The following HEATR4 variants were observed in gnomAD, a reference collection of about 807,000 sequenced individuals.
HEATR4 encodes the protein HEAT repeat-containing protein 4.
HEATR4 carries 95 observed loss-of-function variants against 108.8 expected under a neutral mutation model. That is an observed-to-expected ratio of 0.87 (90% confidence interval 0.74 to 1.04). HEATR4 has a LOEUF of 1.04. Among genes scored for constraint, HEATR4 ranks in the 50% least tolerant of loss-of-function variants. The pLI is 0.00. For synonymous variants in HEATR4, 443 were observed against 459.4 expected, an observed-to-expected ratio of 0.96 and a Z score of 0.46; for missense variants, 1,152 against 1,253.8, an observed-to-expected ratio of 0.92 and a Z score of 1.23.
the HEATR4 span, among the ~76,000 whole-genome samples, chr14:73,633,007 C>CTTTTTT: frequency 9.8e-5 from 12 of 122,058 alleles, no homozygotes; most frequent in African/African-American, 3.5e-4. Flanking sequence ...CTCTCTCTCT[C>CTTTTTT]TTTTTTTTTT....
At chr14:73,479,343 C>T (rs550819161) in intron 17 of HEATR4, among the ~76,000 whole-genome samples, 4 of 152,106 alleles carry the variant, frequency 2.6e-5, no homozygotes, top group Admixed American at 2.0e-4. Flanking sequence ...TCTCAATCTC[C>T]TGACCTTGTG....
At chr14:73,593,788 GGCTTTGCC>G in the HEATR4 span, 1 of 1,613,972 alleles carries the variant, frequency 6.2e-7, no homozygotes, top group Non-Finnish European at 8.5e-7. Context: ...TGCTGGCCAT[GGCTTTGCC>G]ACGTTGGCTC....
intron 1 of HEATR4, among the ~76,000 whole-genome samples, chr14:73,540,288 T>C (rs1232305684): frequency 1.3e-5 from 2 of 151,516 alleles, no homozygotes; most frequent in African/African-American, 4.8e-5. Context: ...TCTGGATTAA[T>C]TTAAAAAAAG....
chr14:73,617,122 C>T, the HEATR4 span: 10,275 of 1,611,826 alleles, frequency 6.4e-3, 586 homozygotes, highest in African/African-American at 0.12. Flanking sequence ...GAAGACCTCC[C>T]CGAAGATCTG....
chr14:73,572,765 C>T, the HEATR4 span, among the ~76,000 whole-genome samples: 1 of 149,468 alleles, frequency 6.7e-6, no homozygotes, highest in Non-Finnish European at 1.5e-5. Flanking sequence ...CCTCCCTCAG[C>T]CTCCCGAGTA....
the HEATR4 span, chr14:73,595,602 T>C: frequency 5.0e-5 from 78 of 1,563,182 alleles, no homozygotes; most frequent in South Asian, 3.2e-4. Flanking sequence ...ATTCTAGCCT[T>C]CTTCTGCAAA....
chr14:73,566,217 T>C, the HEATR4 span, among the ~76,000 whole-genome samples: 17 of 152,156 alleles, frequency 1.1e-4, no homozygotes, highest in South Asian at 3.5e-3. Context: ...ATCCCCTAGC[T>C]AGACATAAAG....
chr14:73,532,847 T>C (rs180902421), intron 1 of HEATR4, among the ~76,000 whole-genome samples: 3,820 of 112,646 alleles, frequency 0.034, 888 homozygotes, highest in African/African-American at 0.11. Context: ...TCCCAGCTAC[T>C]TGGAGGCTGA....
At chr14:73,588,728 A>G in the HEATR4 span, among the ~76,000 whole-genome samples, 1 of 152,126 alleles carries the variant, frequency 6.6e-6, no homozygotes, top group Non-Finnish European at 1.5e-5. Flanking sequence ...TAGCCATTGG[A>G]TCAATCAAAT....
At chr14:73,599,749 G>A in the HEATR4 span, among the ~76,000 whole-genome samples, 6 of 152,336 alleles carry the variant, frequency 3.9e-5, no homozygotes, top group Non-Finnish European at 7.3e-5. Context: ...CAAAGTTCAA[G>A]GAGAGCATAG....
chr14:73,602,783 T>A, the HEATR4 span, among the ~76,000 whole-genome samples: 1 of 152,216 alleles, frequency 6.6e-6, no homozygotes, highest in Non-Finnish European at 1.5e-5. Context: ...ATCTTTTTTT[T>A]ATTTTGACAA....
At chr14:73,594,198 T>C in the HEATR4 span, among the ~76,000 whole-genome samples, 132 of 152,362 alleles carry the variant, frequency 8.7e-4, 1 homozygote, top group Admixed American at 3.0e-3. Flanking sequence ...TTTAATTTCC[T>C]GGTGTCAGAG....
At chr14:73,572,645 T>TCC in the HEATR4 span, among the ~76,000 whole-genome samples, 1 of 51,106 alleles carries the variant, frequency 2.0e-5, no homozygotes, top group Non-Finnish European at 3.2e-5. Flanking sequence ...TTGCATTTTT[T>TCC]TTTTTTTTTT....
Position 73,514,048 on chromosome 14 carries a change from TTCCATTCCTTCAGCA to T in HEATR4, c.1382_1396del (p.Met461_Trp465del). On this transcript the variant is annotated inframe_deletion, in exon 6 of 18. Transcript: ENST00000553558. Reference sequence around the variant, plus strand: ...TCACTCACTCAGAGCCCAGGCAGTCTTCCATTCCTTCAGCATCCTCCGCAGGACCACCAGTTCCCA... The same window carrying T: ...TCACTCACTCAGAGCCCAGGCAGTCTTCCTCCGCAGGACCACCAGTTCCCA... 6.2e-7 allele frequency: 1 copy of T among 1,614,170 alleles called. No individual in the cohort carries two copies. Among genetic ancestry groups the T allele is most frequent in the Non-Finnish European group, 8.5e-7 (1 of 1,180,026 alleles).
the HEATR4 span, among the ~76,000 whole-genome samples, chr14:73,586,326 A>G: frequency 2.9e-4 from 44 of 152,090 alleles, no homozygotes; most frequent in Admixed American, 2.0e-4. Flanking sequence ...CCCCGGAGGC[A>G]GAGTTTGCCG....
chr14:73,577,463 A>G, the HEATR4 span, among the ~76,000 whole-genome samples: 12 of 138,538 alleles, frequency 8.7e-5, no homozygotes, highest in South Asian at 2.3e-3. Context: ...AGATGATGCA[A>G]TCTGGGACAG....
At position 73,532,764 on chromosome 14, in the gene HEATR4, C is replaced by G. The variant is rs189008581; in HGVS notation, c.-151-2520G>C. 1.5e-3 allele frequency among the ~76,000 whole-genome samples: 175 copies of G among 113,834 alleles called. 36 individuals carry two copies. Among genetic ancestry groups the G allele is most frequent in the South Asian group, 3.1e-3 (11 of 3,592 alleles). The allele number at this position is 113,834 out of a possible 152,430, so 74.7% of individuals were successfully genotyped here. A position where few individuals can be genotyped will look rare whatever the true frequency, so the allele number is the denominator to read the frequency against. ...GGTCAGGAGATTGAAACCATCCTAG[C>G]TAACACAGTAAAACCCCATCTCTAC... is the stretch of plus-strand genomic sequence containing the variant. On this transcript the variant is annotated intron_variant, in intron 1 of 17. Coordinates refer to ENST00000553558, the MANE Select transcript of HEATR4 (RefSeq NM_001220484.1).
intron 8 of HEATR4, among the ~76,000 whole-genome samples, chr14:73,508,755 A>C (rs1291798939): frequency 6.6e-6 from 1 of 150,726 alleles, no homozygotes; most frequent in Non-Finnish European, 1.5e-5. Context: ...CTGTCTCAAA[A>C]AAAAAAAAAA....
rs2140250751 is a variant in HEATR4 at position 73,492,630 on chromosome 14, T to G, written c.2844+436A>C. On this transcript the variant is annotated intron_variant, in intron 17 of 17. Coordinates refer to ENST00000553558, the MANE Select transcript of HEATR4 (RefSeq NM_001220484.1). The surrounding 1 kb of genome is among the most constrained non-coding windows in gnomAD (Gnocchi z 4.9). The stretch of plus-strand genomic sequence containing the variant: ...TGGGAGGCTGGAGAACCTGTAAACG[T>G]GGGGGCCCAGTTGACAACAGAAACA... The G allele has an allele frequency of 6.2e-7, 1 of 1,613,900 alleles. No homozygotes were observed. Among genetic ancestry groups the G allele is most frequent in the East Asian group, 2.2e-5 (1 of 44,882 alleles).
Sources: gnomAD v4.1 joint callset for allele counts (sites outside exome capture counted in the v4.1 genomes callset) on GRCh38, gnomAD v4.1.1 for gene constraint, Gnocchi (gnomAD v3.1) non-coding constraint, MANE v1.5 for transcripts, NCBI Gene and HGNC (gene_info 2026-07-23, HGNC 2026-07-21) for gene names.